SBF2: variants seen among roughly 807,000 people sequenced by gnomAD.
The protein encoded by SBF2 is myotubularin-related protein 13.
A neutral mutation model predicts 225.2 loss-of-function variants in SBF2; 112 were observed. The ratio of observed to expected loss-of-function variants is 0.50; its 90% CI spans 0.43 to 0.58. The LOEUF (loss-of-function observed/expected upper bound fraction) is 0.58, where lower values mean the gene tolerates loss of function less well. SBF2 is among the 20% of genes least tolerant of loss of function. The pLI is 0.00. For synonymous variants in SBF2, 763 were observed against 773.3 expected (o/e 0.99, Z 0.22); for missense variants, 1,996 against 2,206.2 (o/e 0.90, Z 1.91).
intron 1 of SBF2, among the ~76,000 whole-genome samples, chr11:10,278,328 G>A (rs1311876880): frequency 2.6e-5 from 4 of 152,222 alleles, no homozygotes; most frequent in East Asian, 3.9e-4. Flanking sequence ...ATTTGCCTTC[G>A]CAATGTAAAT....
chr11:9,933,728 C>A (rs1487642686), intron 16 of SBF2, among the ~76,000 whole-genome samples: 1 of 152,064 alleles, frequency 6.6e-6, no homozygotes, highest in Non-Finnish European at 1.5e-5. Flanking sequence ...AAATCAGCAT[C>A]CTAACATCAC....
At chr11:10,148,579 G>A (rs1955000559) in intron 2 of SBF2, among the ~76,000 whole-genome samples, 1 of 151,958 alleles carries the variant, frequency 6.6e-6, no homozygotes, top group Non-Finnish European at 1.5e-5. Flanking sequence ...GTCCCAGCCA[G>A]GACAAAATCT....
chr11:9,840,454 G>C (rs1040638760), intron 25 of SBF2, among the ~76,000 whole-genome samples: 2 of 152,048 alleles, frequency 1.3e-5, no homozygotes, highest in Non-Finnish European at 2.9e-5. Context: ...AAAATGTCAG[G>C]AAAATAATAC....
intron 2 of SBF2, among the ~76,000 whole-genome samples, chr11:10,117,383 G>C (rs1173934432): frequency 1.4e-5 from 2 of 147,796 alleles, no homozygotes; most frequent in Admixed American, 6.9e-5. Flanking sequence ...GGGGGTTGCA[G>C]TGAGTCAAGA....
intron 16 of SBF2, among the ~76,000 whole-genome samples, chr11:9,954,293 T>TGAA (rs1242930706): frequency 4.6e-5 from 7 of 152,340 alleles, no homozygotes; most frequent in Non-Finnish European, 1.0e-4. Flanking sequence ...TTCATTTAGT[T>TGAA]AATGTTTCTT....
chr11:10,229,672 G>A (rs577469452), intron 1 of SBF2, among the ~76,000 whole-genome samples: 2 of 152,312 alleles, frequency 1.3e-5, no homozygotes, highest in East Asian at 3.9e-4. Context: ...ACTGTGGTCT[G>A]AGAGATAGTT....
At chr11:9,843,212 C>G (rs1263738701) in intron 24 of SBF2, among the ~76,000 whole-genome samples, 1 of 152,170 alleles carries the variant, frequency 6.6e-6, no homozygotes, top group Non-Finnish European at 1.5e-5. Context: ...AACTCACAAG[C>G]CTTTCTTTGA....
At chr11:10,126,365 C>T (rs969600908) in intron 2 of SBF2, among the ~76,000 whole-genome samples, 25 of 151,870 alleles carry the variant, frequency 1.6e-4, no homozygotes, top group African/African-American at 5.8e-4. Context: ...TTCTAATTTA[C>T]TGTCACCGTT....
At chr11:9,878,806 A>C (rs1859504895) in intron 17 of SBF2, among the ~76,000 whole-genome samples, 1 of 152,224 alleles carries the variant, frequency 6.6e-6, no homozygotes, top group Non-Finnish European at 1.5e-5. Flanking sequence ...CAGTCATTCA[A>C]GATGGCTCTC....
intron 2 of SBF2, among the ~76,000 whole-genome samples, chr11:10,088,382 G>A (rs1348349463): frequency 6.6e-6 from 1 of 152,096 alleles, no homozygotes; most frequent in Non-Finnish European, 1.5e-5. Flanking sequence ...ACAGAAAAGA[G>A]AGTTACTATA....
chr11:9,951,623 T>G (rs1320983018), intron 16 of SBF2, among the ~76,000 whole-genome samples: 9 of 152,242 alleles, frequency 5.9e-5, no homozygotes, highest in Non-Finnish European at 8.8e-5. Flanking sequence ...TTCAAAAATG[T>G]ACTTAATTTC....
intron 2 of SBF2, among the ~76,000 whole-genome samples, chr11:10,058,112 T>C (rs925475535): frequency 2.0e-5 from 3 of 152,198 alleles, no homozygotes; most frequent in South Asian, 2.1e-4. Flanking sequence ...GAGTCTGTCA[T>C]ATGTCCTCCA....
rs1484439854 is a variant in SBF2 at position 9,795,962 on chromosome 11, AAC to A, written c.4444-7_4444-6del. The A allele has an allele frequency of 6.2e-7, 1 of 1,612,678 alleles. No homozygotes were observed. Among genetic ancestry groups the A allele is most frequent in the Admixed American group, 1.7e-5 (1 of 60,020 alleles). On this transcript the variant is annotated splice_region_variant and splice_polypyrimidine_tract_variant and intron_variant, in intron 32 of 39. Coordinates refer to ENST00000256190, the MANE Select transcript of SBF2 (RefSeq NM_030962.4). ...AGTTGGATACTGGTTGTGAACCTGA[AAC>A]ACACAAGGCAAAGAAAAGAGTAAGA...
At position 9,850,097 on chromosome 11, in the gene SBF2, A is replaced by G; in HGVS notation, c.2732T>C (p.Leu911Pro). Reference protein sequence around the residue: ...ATGGLLGGPQLLPAEGALFLT... With the variant: ...ATGGLLGGPQPLPAEGALFLT... ...GAACAAGGCTCCTTCTGCTGGCAGG[A>G]GCTGAGGGCCTCCAAGAAGACCTCC... The change falls in exon 22 of 40, where the codon CTC becomes CCC. Residue 911 changes from leucine (L) to proline (P), a missense_variant. Leu to Pro is a moderately conservative substitution (Grantham distance 98). Transcript: ENST00000256190. The G allele has an allele frequency of 6.2e-7, 1 of 1,614,146 alleles. No individual in the cohort carries two copies.
At chr11:10,258,866 T>G (rs971514792) in intron 1 of SBF2, among the ~76,000 whole-genome samples, 1 of 151,850 alleles carries the variant, frequency 6.6e-6, no homozygotes, top group Non-Finnish European at 1.5e-5. Flanking sequence ...ATAGTGACAA[T>G]AGGGCAGCAG....
chr11:9,841,355 G>C (rs556259795), intron 25 of SBF2, among the ~76,000 whole-genome samples: 1 of 152,206 alleles, frequency 6.6e-6, no homozygotes, highest in African/African-American at 2.4e-5. Flanking sequence ...AATAGTGATG[G>C]GTAGCGATAA....
rs1195911510 is a variant in SBF2, at chr11:9,812,574, C to T, written c.4113G>A (p.Val1371=). The stretch of plus-strand genomic sequence containing the variant: ...AATCTCCCAGCGCTTTCAGGAAGGT[C>T]ACTTCTGAGTCAGTAGGGATGGTGC... ...IPSTIPTDSE[V]TFLKALGDSE... The change falls in exon 30 of 40, where the codon GTG becomes GTA. Residue 1371 remains valine (V), a synonymous_variant. Transcript: ENST00000256190. 1.2e-6 allele frequency: 2 copies of T among 1,614,106 alleles called. No homozygotes were observed. Among genetic ancestry groups the T allele is most frequent in the Non-Finnish European group, 1.7e-6 (2 of 1,180,044 alleles).
intron 17 of SBF2, among the ~76,000 whole-genome samples, chr11:9,889,411 C>T (rs4910072): frequency 0.84 from 128,344 of 152,186 alleles, 54,457 homozygotes; most frequent in African/African-American, 0.87. Context: ...CCAGATAAAC[C>T]TGTGGGTCTT....
chr11:9,995,773 C>T (rs1439873766), intron 9 of SBF2, among the ~76,000 whole-genome samples: 1 of 151,188 alleles, frequency 6.6e-6, no homozygotes, highest in Non-Finnish European at 1.5e-5. Flanking sequence ...GTCTCACCTC[C>T]TGAGTAGCTG....
Sources: allele counts gnomAD v4.1 joint callset (sites outside exome capture counted in the v4.1 genomes callset), GRCh38; gene constraint gnomAD v4.1.1; transcripts MANE v1.5; gene names NCBI Gene and HGNC (gene_info 2026-07-23, HGNC 2026-07-21).